The following NBPF20 variants were observed in gnomAD, a reference collection of about 807,000 sequenced individuals.
NBPF20 encodes the protein NBPF member 20.
In NBPF20, 90 loss-of-function variants were observed where a neutral mutation model predicts 68.1. The ratio of observed to expected loss-of-function variants is 1.32; its 90% CI spans 1.11 to 1.58. The LOEUF (loss-of-function observed/expected upper bound fraction) is 1.58, where lower values mean the gene tolerates loss of function less well. Ranked by LOEUF, NBPF20 falls within the 40% of genes most tolerant of loss-of-function variation. NBPF20 has a pLI of 0.00. For missense variants in NBPF20, 816 were observed against 601.2 expected, an observed-to-expected ratio of 1.36 and a Z score of -3.74; for synonymous variants, 290 against 228.1, an observed-to-expected ratio of 1.27 and a Z score of -2.45.
chr1:145,393,658 G>C (rs1266299649), intron 9 of NBPF20: 29 of 1,242,636 alleles, frequency 2.3e-5, no homozygotes, highest in Non-Finnish European at 3.0e-5. Context: ...TGAGAATACA[G>C]CTTTTGAGTT....
chr1:145,393,534 A>T (rs1439458397), intron 9 of NBPF20, among the ~76,000 whole-genome samples: 6 of 151,922 alleles, frequency 3.9e-5, no homozygotes, highest in Admixed American at 2.0e-4. Context: ...CTGATGAGGG[A>T]GTCAAAGGAC....
intron 132 of NBPF20, chr1:145,296,043 T>G: frequency 6.1e-6 from 1 of 163,754 alleles, no homozygotes; most frequent in Non-Finnish European, 1.0e-5. Flanking sequence ...ATCTACAAAA[T>G]TGAGACAAAA....
intron 2 of NBPF20, 112 bp downstream of exon 7, chr1:145,404,986 T>A: frequency 6.9e-7 from 1 of 1,449,508 alleles, no homozygotes; most frequent in South Asian, 1.2e-5. Flanking sequence ...CCATTTCTGT[T>A]TTCCTACAAG....
intron 6 of NBPF20, among the ~76,000 whole-genome samples, chr1:145,400,023 G>A (rs1391273169): frequency 1.3e-5 from 2 of 152,202 alleles, no homozygotes; most frequent in Admixed American, 1.3e-4. Context: ...ACAAAGGCAA[G>A]GCTGCCAGCT....
intron 6 of NBPF20, among the ~76,000 whole-genome samples, chr1:145,399,854 A>T (rs1409506322): frequency 3.4e-5 from 5 of 147,928 alleles, no homozygotes; most frequent in Non-Finnish European, 6.0e-5. Flanking sequence ...AGGGTGGAGA[A>T]CCAGGGTCCA....
upstream of NBPF20, among the ~76,000 whole-genome samples, chr1:145,407,282 G>A (rs1444682022): frequency 2.7e-5 from 4 of 147,554 alleles, no homozygotes; most frequent in Non-Finnish European, 6.0e-5. Context: ...CTGTCATGGG[G>A]TGAGGGCTGG....
At chr1:145,291,117 A>C (rs1661041284) in exon 138 of NBPF20, 1 of 294,558 alleles carries the variant, frequency 3.4e-6, no homozygotes, top group Non-Finnish European at 6.4e-6. Flanking sequence ...TGAAGACACA[A>C]AGAATGAGGT....
upstream of NBPF20, among the ~76,000 whole-genome samples, chr1:145,407,482 A>G (rs114460597): frequency 0.026 from 3,796 of 146,054 alleles, 169 homozygotes; most frequent in African/African-American, 0.091. Context: ...ATATATATAC[A>G]AACACATGAA....
chr1:145,398,266 C>A (rs1243509578), intron 7 of NBPF20, among the ~76,000 whole-genome samples: 5,869 of 148,640 alleles, frequency 0.039, 434 homozygotes, highest in African/African-American at 0.14. Context: ...ACCCCAAATC[C>A]ACAGAATATA....
chr1:145,393,566 G>T (rs1173128038), intron 9 of NBPF20, among the ~76,000 whole-genome samples: 1 of 151,892 alleles, frequency 6.6e-6, no homozygotes, highest in Non-Finnish European at 1.5e-5. Flanking sequence ...GTGCTCTCAG[G>T]ACACACTGTG....
chr1:145,403,234 T>C lies in NBPF20; in HGVS notation c.260A>G (p.Lys87Arg), dbSNP rs1436339530. The change falls in exon 3 of 138, where the codon AAG becomes AGG. Residue 87 changes from lysine to arginine, a missense_variant. Transcript: ENST00000369373. ...CCCTCACCTGAGCTCCTCAGCTTGC[T>C]TGAGCTGCTCTGCAAGCTTCTCCTC... is the stretch of plus-strand genomic sequence containing the variant. 3 of 1,612,546 alleles carry C rather than the reference T, an allele frequency of 1.9e-6. No individual in the cohort carries two copies. In the Admixed American group the frequency reaches 5.0e-5, roughly 27 times the overall value.
At chr1:145,410,371 G>A (rs2101608860), upstream of NBPF20, among the ~76,000 whole-genome samples, 1 of 149,368 alleles carries the variant, frequency 6.7e-6, no homozygotes, top group Admixed American at 6.6e-5. Flanking sequence ...CTGGAGTGCA[G>A]TGGCGGGATC....
At chr1:145,292,318 C>T (rs587723370) in intron 137 of NBPF20, 63 bp downstream of exon 142, 23 of 631,798 alleles carry the variant, frequency 3.6e-5, no homozygotes, top group Non-Finnish European at 6.1e-5. Flanking sequence ...ACTCTGGTTT[C>T]CCTGAATCTG....
At chr1:145,407,497 TATA>T (rs1428391517), upstream of NBPF20, among the ~76,000 whole-genome samples, 7 of 146,220 alleles carry the variant, frequency 4.8e-5, no homozygotes, top group African/African-American at 1.5e-4. Context: ...CATGAATATA[TATA>T]ATATATATAC....
chr1:145,295,276 C>G (rs1661279356), intron 133 of NBPF20: 4 of 418,694 alleles, frequency 9.6e-6, no homozygotes, highest in Non-Finnish European at 1.6e-5. Flanking sequence ...ACACAGCGAA[C>G]AGTGATCATG....
upstream of NBPF20, among the ~76,000 whole-genome samples, chr1:145,410,497 T>A (rs1201112482): frequency 2.7e-5 from 4 of 150,766 alleles, no homozygotes; most frequent in African/African-American, 9.7e-5. Context: ...GTAGTTTTAG[T>A]AGAGACGGGG....
At chr1:145,403,725 T>C (rs199852182) in intron 2 of NBPF20, among the ~76,000 whole-genome samples, 7 of 150,780 alleles carry the variant, frequency 4.6e-5, no homozygotes, top group East Asian at 2.0e-4. Context: ...GGACTGATGG[T>C]TTCCCTTTTA....
chr1:145,411,974 G>C, the NBPF20 span, among the ~76,000 whole-genome samples: 1 of 98,456 alleles, frequency 1.0e-5, no homozygotes, highest in Non-Finnish European at 2.1e-5. Flanking sequence ...CATTTGTCCA[G>C]ACAGAGCCCA....
Position 145,372,478 on chromosome 1 carries a change from T to G in NBPF20, c.4369+34A>C. ...TATCACCCCTATCTGGAAGACCAGG[T>G]GGAGGCTTATCACCTTCACAGTAAG... is the stretch of plus-strand genomic sequence containing the variant. On this transcript the variant is annotated intron_variant, in intron 36 of 137. Coordinates refer to ENST00000369373, the Ensembl canonical transcript of NBPF20. 1.1e-5 allele frequency: 5 copies of G among 454,812 alleles called. 1 individual carries two copies. Among genetic ancestry groups the G allele is most frequent in the Non-Finnish European group, 1.9e-5 (5 of 268,984 alleles). The allele number at this position is 454,812 out of a possible 1,614,324, so 28.2% of individuals were successfully genotyped here. A position where few individuals can be genotyped will look rare whatever the true frequency, so the allele number is the denominator to read the frequency against.
Sources: allele counts gnomAD v4.1 joint callset (sites outside exome capture counted in the v4.1 genomes callset), GRCh38; gene constraint gnomAD v4.1.1; transcripts MANE v1.5; gene names NCBI Gene and HGNC (gene_info 2026-07-23, HGNC 2026-07-21).